The following RDX variants were observed in gnomAD, a reference collection of about 807,000 sequenced individuals.
The protein encoded by RDX is radixin.
A neutral mutation model predicts 83.7 loss-of-function variants in RDX; 32 were observed. That is an observed-to-expected ratio of 0.38 (90% CI 0.29 to 0.51). The LOEUF (loss-of-function observed/expected upper bound fraction) is 0.51, where lower values mean the gene tolerates loss of function less well. Among genes scored for constraint, RDX ranks in the 20% least tolerant of loss-of-function variants. The pLI, the probability that RDX is intolerant of heterozygous loss-of-function variation, is 0.87. For synonymous variants in RDX, 229 were observed against 222.7 expected (o/e 1.03, Z -0.25); for missense variants, 600 against 689.9 (o/e 0.87, Z 1.46).
rs191048692 is a variant in RDX at position 110,249,665 on chromosome 11, G to C, written c.960-1832C>G. ...AAGGCGGGAAGACTACCTGAGGTTAGGAGTCCAAGACCAGGGCAACATAGC... is the reference window on the plus strand; with the variant it reads ...AAGGCGGGAAGACTACCTGAGGTTACGAGTCCAAGACCAGGGCAACATAGC... On this transcript the variant is annotated intron_variant, in intron 9 of 13. Transcript: ENST00000645495. 9.1e-4 allele frequency among the ~76,000 whole-genome samples: 139 copies of C among 152,242 alleles called. 1 individual carries two copies. The highest frequency in any genetic ancestry group is 3.1e-3 in the African/African-American group (128 of 41,536).
chr11:110,294,955 T>C (rs767915290), intron 1 of RDX, among the ~76,000 whole-genome samples: 12 of 152,208 alleles, frequency 7.9e-5, no homozygotes, highest in Non-Finnish European at 1.5e-4. Flanking sequence ...GTCTATTCAT[T>C]CCTTGCTAAT....
rs1217488325 is a variant in RDX, at chr11:110,272,561, G to T, written c.71C>A (p.Thr24Lys). Reference protein sequence around the residue: ...AELEFAIQPNTTGKQLFDQVV... With the variant: ...AELEFAIQPNKTGKQLFDQVV... Reference sequence around the variant, plus strand: ...CTGGTCAAAAAGTTGTTTGCCAGTTGTATTGGGCTGAATGGCAAATTCCAG... The same window carrying T: ...CTGGTCAAAAAGTTGTTTGCCAGTTTTATTGGGCTGAATGGCAAATTCCAG... Residue 24 changes from threonine to lysine, a missense_variant, in exon 3 of 14, where the codon ACA (threonine) becomes AAA (lysine). Transcript: ENST00000645495. 3.1e-6 allele frequency: 5 copies of T among 1,611,796 alleles called. No homozygotes were observed. The African/African-American group carries it at 6.7e-5, about 22-fold the overall frequency.
At chr11:110,280,249 T>C (rs1284454836) in intron 1 of RDX, among the ~76,000 whole-genome samples, 1 of 152,146 alleles carries the variant, frequency 6.6e-6, no homozygotes, top group Non-Finnish European at 1.5e-5. Context: ...TAATTTTTTT[T>C]TTTTATTTTT....
intron 14 of RDX, among the ~76,000 whole-genome samples, chr11:110,218,875 C>A (rs1015982239): frequency 5.9e-5 from 9 of 152,136 alleles, no homozygotes; most frequent in African/African-American, 2.2e-4. Context: ...TCTCAGAGCT[C>A]ATCTATCCAT....
intron 14 of RDX, among the ~76,000 whole-genome samples, chr11:110,208,658 T>C (rs1863692961): frequency 6.6e-6 from 1 of 152,146 alleles, no homozygotes; most frequent in Non-Finnish European, 1.5e-5. Flanking sequence ...TTAACAATCA[T>C]TTATTAATTT....
chr11:110,198,243 G>A (rs1171780986), intron 15 of RDX, among the ~76,000 whole-genome samples: 1 of 151,450 alleles, frequency 6.6e-6, no homozygotes, highest in East Asian at 1.9e-4. Flanking sequence ...CAACATTGTT[G>A]TGGTTTTATT....
intron 9 of RDX, among the ~76,000 whole-genome samples, chr11:110,248,928 A>G (rs1859217524): frequency 6.6e-6 from 1 of 152,222 alleles, no homozygotes; most frequent in Non-Finnish European, 1.5e-5. Flanking sequence ...GAATGACAGT[A>G]GGTGGCTAAT....
chr11:110,187,054 T>A (rs1394581700), intron 15 of RDX, among the ~76,000 whole-genome samples: 3 of 152,192 alleles, frequency 2.0e-5, no homozygotes, highest in Non-Finnish European at 4.4e-5. Context: ...CGGCCACAGT[T>A]TCTCCTGGGC....
chr11:110,200,982 C>A (rs1565287757), intron 14 of RDX, among the ~76,000 whole-genome samples: 3 of 152,130 alleles, frequency 2.0e-5, no homozygotes, highest in Non-Finnish European at 4.4e-5. Flanking sequence ...TCGAAACCAG[C>A]CTGACCAACA....
At chr11:110,176,865 A>T (rs1253004559) in intron 15 of RDX, among the ~76,000 whole-genome samples, 2 of 152,130 alleles carry the variant, frequency 1.3e-5, no homozygotes, top group Non-Finnish European at 2.9e-5. Flanking sequence ...AGTTCATCTG[A>T]ACAGGTAGCA....
Position 110,234,796 on chromosome 11 carries a change from A to G in RDX, c.1344+1303T>C, listed in dbSNP as rs1276785999. ...TCAATACATATAAAATTACCCAATG[A>G]AATTTAAACTGCTACAAAGATTTAC... On this transcript the variant is annotated intron_variant, in intron 12 of 13. Coordinates refer to ENST00000645495, the MANE Select transcript of RDX (RefSeq NM_002906.4). Among the ~76,000 whole-genome samples the G allele has an allele frequency of 6.6e-5, 10 of 152,330 alleles. No individual in the cohort carries two copies. The South Asian group carries it at 1.7e-3, about 25-fold the overall frequency.
chr11:110,257,510 G>A (rs1269787337), intron 7 of RDX, among the ~76,000 whole-genome samples: 3 of 152,040 alleles, frequency 2.0e-5, no homozygotes. Flanking sequence ...ACTCACAAGA[G>A]CTAAAAGCAG....
At chr11:110,243,161 G>C (rs1042996609) in intron 10 of RDX, among the ~76,000 whole-genome samples, 3 of 152,040 alleles carry the variant, frequency 2.0e-5, no homozygotes, top group Non-Finnish European at 4.4e-5. Flanking sequence ...TCAGATTTTG[G>C]AATTTTGAAT....
intron 15 of RDX, among the ~76,000 whole-genome samples, chr11:110,193,866 T>C (rs887295982): frequency 3.3e-5 from 5 of 152,240 alleles, no homozygotes; most frequent in Admixed American, 1.3e-4. Context: ...TACAGCATTA[T>C]CTCTAATTGG....
intron 7 of RDX, among the ~76,000 whole-genome samples, chr11:110,255,697 T>A (rs1214599689): frequency 6.6e-6 from 1 of 152,120 alleles, no homozygotes; most frequent in Non-Finnish European, 1.5e-5. Context: ...AACTAGCTGT[T>A]CAGTTTTTAT....
chr11:110,221,513 G>A (rs1186689778), intron 14 of RDX, among the ~76,000 whole-genome samples: 2 of 151,652 alleles, frequency 1.3e-5, no homozygotes, highest in Non-Finnish European at 1.5e-5. Context: ...CAGAAGGATC[G>A]CTTGAACCCA....
intron 10 of RDX, among the ~76,000 whole-genome samples, chr11:110,244,469 G>A (rs950141538): frequency 6.8e-6 from 1 of 146,942 alleles, no homozygotes. Context: ...AGTCACAAAA[G>A]ACCACATTTT....
intron 10 of RDX, among the ~76,000 whole-genome samples, chr11:110,242,126 A>G (rs1865122203): frequency 6.6e-6 from 1 of 152,190 alleles, no homozygotes; most frequent in South Asian, 2.1e-4. Context: ...CATTCCCAAT[A>G]TATTTTGCAT....
At position 110,224,253 on chromosome 11, in the gene RDX, G is replaced by A. The variant is rs115397517; in HGVS notation, c.1748+7620C>T. Among the ~76,000 whole-genome samples the A allele has an allele frequency of 5.1e-3, 768 of 150,966 alleles. 11 individuals are homozygous for A. The highest frequency in any genetic ancestry group is 0.018 in the African/African-American group (732 of 41,110). ...AAAAAACAAAAAAACAAAACCCTTC[G>A]AATTTCTTCTAAAAGCCAGTACATT... On this transcript the variant is annotated intron_variant, in intron 14 of 15. Coordinates refer to the RDX transcript ENST00000528498.
Sources: allele counts gnomAD v4.1 joint callset (sites outside exome capture counted in the v4.1 genomes callset), GRCh38; gene constraint gnomAD v4.1.1; transcripts MANE v1.5; gene names NCBI Gene and HGNC (gene_info 2026-07-23, HGNC 2026-07-21).